RSRC1: variants seen among roughly 807,000 people sequenced by gnomAD.
RSRC1 encodes the protein serine/Arginine-related protein 53.
RSRC1 carries 39 observed loss-of-function variants against 49.1 expected under a neutral mutation model. That is an observed-to-expected ratio of 0.79 (90% CI 0.61 to 1.04). RSRC1 has a LOEUF of 1.04. RSRC1 is among the 50% of genes least tolerant of loss of function. The pLI, the probability that RSRC1 is intolerant of heterozygous loss-of-function variation, is 0.00. For missense variants in RSRC1, 388 were observed against 402.4 expected, an observed-to-expected ratio of 0.96 and a Z score of 0.31; for synonymous variants, 143 against 130.8, an observed-to-expected ratio of 1.09 and a Z score of -0.63.
At chr3:158,529,814 T>C (rs550625397) in intron 7 of RSRC1, among the ~76,000 whole-genome samples, 1 of 152,128 alleles carries the variant, frequency 6.6e-6, no homozygotes, top group South Asian at 2.1e-4. Context: ...GTTTGTGTTA[T>C]AAGACATCCA....
At chr3:158,304,797 A>G (rs2108131283) in intron 5 of RSRC1, among the ~76,000 whole-genome samples, 1 of 152,308 alleles carries the variant, frequency 6.6e-6, no homozygotes, top group African/African-American at 2.4e-5. Context: ...AACTGTGATC[A>G]TGAGATGAAA....
intron 4 of RSRC1, among the ~76,000 whole-genome samples, chr3:158,269,719 G>C (rs1024370696): frequency 1.3e-5 from 2 of 152,086 alleles, no homozygotes; most frequent in African/African-American, 2.4e-5. Context: ...CACCATGTTG[G>C]CCAGGATGGT....
chr3:158,481,844 GATA>G (rs957166154), intron 7 of RSRC1, among the ~76,000 whole-genome samples: 2 of 152,036 alleles, frequency 1.3e-5, no homozygotes, highest in African/African-American at 4.8e-5. Flanking sequence ...TCATTTAAAT[GATA>G]ATAATGTGGG....
At chr3:158,311,500 A>G (rs1728124011) in intron 5 of RSRC1, among the ~76,000 whole-genome samples, 1 of 151,910 alleles carries the variant, frequency 6.6e-6, no homozygotes, top group African/African-American at 2.4e-5. Context: ...ATTCCAAAGA[A>G]ACTGACACAG....
chr3:158,363,721 C>T (rs779464377), intron 6 of RSRC1, among the ~76,000 whole-genome samples: 2 of 152,160 alleles, frequency 1.3e-5, no homozygotes, highest in Non-Finnish European at 2.9e-5. Flanking sequence ...GCCTCTGATT[C>T]TGAAGTAAGT....
intron 6 of RSRC1, among the ~76,000 whole-genome samples, chr3:158,366,372 C>T (rs1731769375): frequency 6.6e-6 from 1 of 152,136 alleles, no homozygotes. Flanking sequence ...TATGGCTAGC[C>T]AGTTTTCCCA....
intron 3 of RSRC1, among the ~76,000 whole-genome samples, chr3:158,128,891 C>T (rs902559732): frequency 1.3e-5 from 2 of 152,040 alleles, no homozygotes; most frequent in Non-Finnish European, 1.5e-5. Context: ...GATGTTTTCT[C>T]GTGATTAGAG....
chr3:158,260,706 A>T (rs1724845629), intron 4 of RSRC1, among the ~76,000 whole-genome samples: 1 of 152,218 alleles, frequency 6.6e-6, no homozygotes, highest in Non-Finnish European at 1.5e-5. Context: ...ACTTTAGCCC[A>T]TATTGACAGA....
intron 4 of RSRC1, among the ~76,000 whole-genome samples, chr3:158,229,289 C>CATATATGTGTATGTATGTATATAAACAT (rs1553771831): frequency 2.4e-5 from 1 of 41,870 alleles, no homozygotes; most frequent in African/African-American, 1.2e-4. Context: ...TAAACATACA[C>CATATATGTGTATGTATGTATATAAACAT]ACACGTATAT....
At chr3:158,240,068 C>T (rs1723481713) in intron 4 of RSRC1, among the ~76,000 whole-genome samples, 1 of 152,142 alleles carries the variant, frequency 6.6e-6, no homozygotes, top group Admixed American at 6.5e-5. Flanking sequence ...CATAGGCATA[C>T]TATAGTCTTC....
intron 3 of RSRC1, among the ~76,000 whole-genome samples, chr3:158,172,690 A>G (rs1049125276): frequency 6.6e-6 from 1 of 152,172 alleles, no homozygotes; most frequent in African/African-American, 2.4e-5. Flanking sequence ...AAACATGGCT[A>G]TTCACATGTC....
At position 158,258,521 on chromosome 3, in the gene RSRC1, G is replaced by A. The variant is rs117402940; in HGVS notation, c.495-39518G>A. Among the ~76,000 whole-genome samples the A allele has an allele frequency of 1.4e-3, 217 of 151,862 alleles. 2 individuals are homozygous for A. In the East Asian group the frequency reaches 0.036, roughly 25 times the overall value. On this transcript the variant is annotated intron_variant, in intron 4 of 9. Transcript: ENST00000611884. ...GAGTTTGATTATTAAATGTCTTGAG[G>A]TAGTCTATGGGTTAAATCTGCTTGG...
rs908486958 is a variant in RSRC1, at chr3:158,200,851, G to C, written c.321-2221G>C. On this transcript the variant is annotated intron_variant, in intron 3 of 9. Coordinates refer to ENST00000611884, the MANE Select transcript of RSRC1 (RefSeq NM_001271838.2). ...TTCAGTATAAACCTTAGAGTAAAAT[G>C]CTATTATTTTTACTTTGAGCACTTA... is the stretch of plus-strand genomic sequence containing the variant. Among the ~76,000 whole-genome samples the C allele has an allele frequency of 2.6e-5, 4 of 152,126 alleles. No individual in the cohort carries two copies. In the East Asian group the frequency reaches 5.8e-4, roughly 22 times the overall value.
chr3:158,284,744 G>A (rs1343036180), intron 4 of RSRC1, among the ~76,000 whole-genome samples: 1 of 151,900 alleles, frequency 6.6e-6, no homozygotes, highest in Non-Finnish European at 1.5e-5. Flanking sequence ...GGGGTTGTTT[G>A]TTTTTTTCTT....
chr3:158,304,789 CTG>C (rs1178613180), intron 5 of RSRC1, among the ~76,000 whole-genome samples: 3 of 152,158 alleles, frequency 2.0e-5, no homozygotes, highest in African/African-American at 4.8e-5. Flanking sequence ...TTTCCTCAAA[CTG>C]TGATCATGAG....
chr3:158,120,674 G>T (rs1715194767), intron 1 of RSRC1, among the ~76,000 whole-genome samples: 1 of 145,598 alleles, frequency 6.9e-6, no homozygotes, highest in Admixed American at 6.9e-5. Context: ...ATATTAAATA[G>T]ATAATATATA....
intron 6 of RSRC1, among the ~76,000 whole-genome samples, chr3:158,453,683 A>G (rs1367909924): frequency 6.6e-6 from 1 of 151,968 alleles, no homozygotes; most frequent in Non-Finnish European, 1.5e-5. Context: ...TTTTGAATAA[A>G]AGCTTATCTT....
At chr3:158,469,120 T>C (rs952703541) in intron 7 of RSRC1, among the ~76,000 whole-genome samples, 1 of 152,122 alleles carries the variant, frequency 6.6e-6, no homozygotes, top group African/African-American at 2.4e-5. Context: ...ACCCAACAGG[T>C]CTAGCTTCTT....
intron 7 of RSRC1, among the ~76,000 whole-genome samples, chr3:158,487,906 C>T (rs1188828351): frequency 2.2e-5 from 3 of 135,082 alleles, no homozygotes; most frequent in Non-Finnish European, 4.6e-5. Flanking sequence ...GCTGAGACCA[C>T]GCCATTGCAC....
Sources: allele counts gnomAD v4.1 joint callset (sites outside exome capture counted in the v4.1 genomes callset), GRCh38; gene constraint gnomAD v4.1.1; transcripts MANE v1.5; gene names NCBI Gene and HGNC (gene_info 2026-07-23, HGNC 2026-07-21).